The following ZRANB3 variants were observed in gnomAD, a reference collection of about 807,000 sequenced individuals.
ZRANB3 encodes zinc finger RANBP2-type containing 3, also known as DNA annealing helicase and endonuclease ZRANB3.
Under a neutral mutation model 133.8 loss-of-function variants are expected in ZRANB3, and 125 were observed. The observed-to-expected ratio is 0.93, with a 90% CI of 0.81 to 1.08. The LOEUF is 1.08. ZRANB3 is among the 50% of genes least tolerant of loss of function. The pLI, the probability that ZRANB3 is intolerant of heterozygous loss-of-function variation, is 0.00. For synonymous variants in ZRANB3, 387 were observed against 432.7 expected (o/e 0.89, Z 1.31); for missense variants, 1,229 against 1,275.5 (o/e 0.96, Z 0.56).
intron 2 of ZRANB3, among the ~76,000 whole-genome samples, chr2:135,391,199 A>T (rs1003434671): frequency 6.6e-6 from 1 of 152,212 alleles, no homozygotes; most frequent in African/African-American, 2.4e-5. Flanking sequence ...GTAGCTTGCC[A>T]GAAAATAGTT....
intron 6 of ZRANB3, among the ~76,000 whole-genome samples, chr2:135,323,880 G>A (rs1275087644): frequency 6.6e-6 from 1 of 151,964 alleles, no homozygotes. Context: ...TGATTCTCCT[G>A]TCACAGCCTC....
At chr2:135,273,838 A>G (rs534285450) in intron 9 of ZRANB3, among the ~76,000 whole-genome samples, 216 of 152,300 alleles carry the variant, frequency 1.4e-3, no homozygotes, top group Middle Eastern at 6.8e-3. Flanking sequence ...CACCTGGCCT[A>G]TATCTACATT....
At chr2:135,399,043 A>C (rs974426400) in intron 2 of ZRANB3, among the ~76,000 whole-genome samples, 3 of 152,168 alleles carry the variant, frequency 2.0e-5, no homozygotes, top group Non-Finnish European at 4.4e-5. Flanking sequence ...TTGCAAATGA[A>C]CTACGCCTAG....
intron 20 of ZRANB3, among the ~76,000 whole-genome samples, chr2:135,201,405 C>T (rs900699667): frequency 6.6e-6 from 1 of 151,990 alleles, no homozygotes; most frequent in East Asian, 1.9e-4. Flanking sequence ...GTAATCCCAA[C>T]GCTTTGAAAG....
intron 2 of ZRANB3, among the ~76,000 whole-genome samples, chr2:135,462,582 CCTCT>C (rs746297328): frequency 7.4e-5 from 11 of 149,372 alleles, no homozygotes; most frequent in East Asian, 1.9e-4. Flanking sequence ...TTCCTCCCTC[CCTCT>C]CTCTCTCTTT....
At chr2:135,306,448 C>T (rs1353141317) in intron 8 of ZRANB3, among the ~76,000 whole-genome samples, 12 of 148,366 alleles carry the variant, frequency 8.1e-5, no homozygotes, top group Admixed American at 3.4e-4. Flanking sequence ...CCACCACGCC[C>T]GGCTAATTTT....
chr2:135,511,123 C>T lies in ZRANB3; in HGVS notation c.-7-6627G>A, dbSNP rs558075583. ...GGCTGTGAAGCTAGTACTTTACCAA[C>T]ATAAGGAGGTATCCCAGTAACTGGA... On this transcript the variant is annotated intron_variant, in intron 1 of 20. Coordinates refer to ENST00000264159, the MANE Select transcript of ZRANB3 (RefSeq NM_032143.4). The T allele has an allele frequency of 2.7e-4, 211 of 770,118 alleles. 1 individual carries two copies. The African/African-American group carries it at 2.8e-3, about 10-fold the overall frequency. The allele number at this position is 770,118 out of a possible 1,614,324, so 47.7% of individuals were successfully genotyped here. A position where few individuals can be genotyped will look rare whatever the true frequency, so the allele number is the denominator to read the frequency against.
At chr2:135,459,115 G>T (rs1339192095) in intron 2 of ZRANB3, among the ~76,000 whole-genome samples, 1 of 152,116 alleles carries the variant, frequency 6.6e-6, no homozygotes, top group East Asian at 1.9e-4. Context: ...AAGTGATCCT[G>T]ACTATTTCTT....
chr2:135,476,514 G>A (rs1000175682), intron 2 of ZRANB3, among the ~76,000 whole-genome samples: 4 of 151,860 alleles, frequency 2.6e-5, no homozygotes, highest in African/African-American at 4.8e-5. Context: ...ACTCTTCTCT[G>A]TACTTCTATA....
intron 3 of ZRANB3, among the ~76,000 whole-genome samples, chr2:135,369,138 A>G (rs1239922939): frequency 2.6e-5 from 4 of 152,044 alleles, no homozygotes; most frequent in Non-Finnish European, 4.4e-5. Flanking sequence ...GTAACAAAAA[A>G]GGTTAAATTA....
intron 12 of ZRANB3, among the ~76,000 whole-genome samples, chr2:135,237,827 A>G (rs1331194362): frequency 2.0e-5 from 3 of 152,212 alleles, no homozygotes; most frequent in African/African-American, 7.2e-5. Flanking sequence ...GCATTAGGAG[A>G]TATACCTAAT....
At chr2:135,518,043 G>C (rs1242805313) in intron 1 of ZRANB3, among the ~76,000 whole-genome samples, 1 of 152,132 alleles carries the variant, frequency 6.6e-6, no homozygotes, top group African/African-American at 2.4e-5. Flanking sequence ...CTTCCCAGCA[G>C]CTTTGTTTAC....
intron 3 of ZRANB3, among the ~76,000 whole-genome samples, chr2:135,354,434 C>A (rs186188671): frequency 2.0e-5 from 3 of 152,258 alleles, no homozygotes; most frequent in African/African-American, 4.8e-5. Flanking sequence ...TGTCACAATG[C>A]CTGACTTCTA....
At chr2:135,210,457 C>A (rs963942008) in intron 17 of ZRANB3, among the ~76,000 whole-genome samples, 1 of 152,102 alleles carries the variant, frequency 6.6e-6, no homozygotes, top group Non-Finnish European at 1.5e-5. Flanking sequence ...CCTCAGCCTC[C>A]CGTAGCTGGG....
intron 3 of ZRANB3, among the ~76,000 whole-genome samples, chr2:135,369,752 G>T (rs1686088857): frequency 6.6e-6 from 1 of 152,140 alleles, no homozygotes; most frequent in Non-Finnish European, 1.5e-5. Context: ...AACAGGGCTT[G>T]CAAATCATTG....
At chr2:135,499,101 C>A (rs1692819118) in intron 2 of ZRANB3, among the ~76,000 whole-genome samples, 1 of 152,106 alleles carries the variant, frequency 6.6e-6, no homozygotes, top group Non-Finnish European at 1.5e-5. Context: ...GCTGGTTTTG[C>A]AGCTTGGGGG....
intron 12 of ZRANB3, among the ~76,000 whole-genome samples, chr2:135,232,017 G>A (rs1458707703): frequency 6.6e-6 from 1 of 152,208 alleles, no homozygotes; most frequent in Non-Finnish European, 1.5e-5. Context: ...GGAAGCGCAA[G>A]GGGTCAGGGA....
intron 2 of ZRANB3, among the ~76,000 whole-genome samples, chr2:135,504,038 T>C (rs992226762): frequency 6.6e-6 from 1 of 152,204 alleles, no homozygotes; most frequent in Admixed American, 6.5e-5. Context: ...TAGTTTCATG[T>C]GAAAGCAATA....
intron 2 of ZRANB3, among the ~76,000 whole-genome samples, chr2:135,501,912 T>G (rs1183547325): frequency 6.6e-6 from 1 of 152,140 alleles, no homozygotes; most frequent in African/African-American, 2.4e-5. Context: ...TTTTTCCCTT[T>G]GTAATAAATA....
Sources: allele counts gnomAD v4.1 joint callset (sites outside exome capture counted in the v4.1 genomes callset), GRCh38; gene constraint gnomAD v4.1.1; transcripts MANE v1.5; gene names NCBI Gene and HGNC (gene_info 2026-07-23, HGNC 2026-07-21).